Variants in TENM4 observed in about 807,000 individuals in gnomAD.
TENM4 encodes teneurin transmembrane protein 4.
TENM4 carries 82 observed loss-of-function variants against 243.3 expected under a neutral mutation model. The observed-to-expected ratio is 0.34, with a 90% CI of 0.28 to 0.40. The LOEUF (loss-of-function observed/expected upper bound fraction) is 0.40, where lower values mean the gene tolerates loss of function less well. Ranked by LOEUF, TENM4 falls within the 10% of genes least tolerant of loss-of-function variation. The probability of loss-of-function intolerance (pLI) is 1.00; values close to 1 mark genes in which losing one functional copy is unlikely to be tolerated. For synonymous variants in TENM4, 1,412 were observed against 1,456.3 expected (o/e 0.97, Z 0.69); for missense variants, 3,138 against 3,673.3 (o/e 0.85, Z 3.77).
At chr11:79,253,234 A>G (rs556657489) in intron 2 of TENM4, among the ~76,000 whole-genome samples, 7 of 152,316 alleles carry the variant, frequency 4.6e-5, no homozygotes, top group South Asian at 2.1e-4. Context: ...GGCCAAAAAC[A>G]TAAACTGCAC....
intron 6 of TENM4, among the ~76,000 whole-genome samples, chr11:78,986,006 G>A (rs551834696): frequency 2.7e-4 from 41 of 152,280 alleles, no homozygotes; most frequent in Admixed American, 7.2e-4. Context: ...TCCCTCCAAG[G>A]TGTATCAAGA....
intron 3 of TENM4, among the ~76,000 whole-genome samples, chr11:79,160,210 A>T (rs571171379): frequency 4.0e-4 from 61 of 152,130 alleles, no homozygotes; most frequent in South Asian, 1.2e-3. Flanking sequence ...CCATTTTAAC[A>T]TCCTGCTTGT....
chr11:78,769,304 C>T (rs1856602774), intron 18 of TENM4, among the ~76,000 whole-genome samples: 1 of 152,194 alleles, frequency 6.6e-6, no homozygotes, highest in Admixed American at 6.5e-5. Flanking sequence ...TAGTGCCCTT[C>T]CCTGCTTTGT....
intron 19 of TENM4, among the ~76,000 whole-genome samples, chr11:78,741,893 T>C (rs75241992): frequency 0.016 from 2,448 of 152,318 alleles, 79 homozygotes; most frequent in African/African-American, 0.057. Flanking sequence ...CTAGCTCATA[T>C]GATCCTCTAT....
chr11:79,013,902 C>T (rs1480925514), intron 6 of TENM4, among the ~76,000 whole-genome samples: 2 of 152,210 alleles, frequency 1.3e-5, no homozygotes, highest in Non-Finnish European at 2.9e-5. Context: ...TTTCTAACCA[C>T]TCTTTAAAAT....
chr11:78,908,376 T>C (rs181425967), intron 6 of TENM4, among the ~76,000 whole-genome samples: 3 of 152,332 alleles, frequency 2.0e-5, no homozygotes, highest in African/African-American at 7.2e-5. Context: ...GCTTGGAATA[T>C]AGGAATTCTG....
At chr11:79,146,701 G>C (rs1271289978) in intron 4 of TENM4, among the ~76,000 whole-genome samples, 1 of 152,048 alleles carries the variant, frequency 6.6e-6, no homozygotes, top group Non-Finnish European at 1.5e-5. Flanking sequence ...CATATCCTAA[G>C]CACTTTCTTG....
intron 10 of TENM4, among the ~76,000 whole-genome samples, chr11:78,862,555 A>C (rs1858849485): frequency 6.6e-6 from 1 of 152,148 alleles, no homozygotes; most frequent in African/African-American, 2.4e-5. Context: ...CAAGAGTCCA[A>C]GAATCTTTCC....
chr11:78,857,456 G>C (rs1858707369), intron 10 of TENM4, among the ~76,000 whole-genome samples: 1 of 152,178 alleles, frequency 6.6e-6, no homozygotes, highest in African/African-American at 2.4e-5. Context: ...GCAGGGCATT[G>C]TTGTAGTCAT....
At chr11:78,747,229 T>C (rs976613751) in intron 19 of TENM4, among the ~76,000 whole-genome samples, 2 of 152,160 alleles carry the variant, frequency 1.3e-5, no homozygotes, top group African/African-American at 4.8e-5. Flanking sequence ...TAGGTTATCA[T>C]GCCCAGGTAC....
rs531709295 is a variant in TENM4 at position 79,228,698 on chromosome 11, T to G, written c.-264-12789A>C. Among the ~76,000 whole-genome samples, 24 of 152,312 alleles carry G rather than the reference T, an allele frequency of 1.6e-4. No homozygotes were observed. The South Asian group carries it at 4.8e-3, about 30-fold the overall frequency. On this transcript the variant is annotated intron_variant, in intron 2 of 33. Transcript: ENST00000278550. ...TTACATATGTTCCCCCACTTCATTTTTTTCTAATTTTAAAAAAGTCTCCTG... is the reference window on the plus strand; with the variant it reads ...TTACATATGTTCCCCCACTTCATTTGTTTCTAATTTTAAAAAAGTCTCCTG...
chr11:79,239,032 C>CAAAG (rs1412627714), intron 2 of TENM4, among the ~76,000 whole-genome samples: 1 of 151,934 alleles, frequency 6.6e-6, no homozygotes, highest in Non-Finnish European at 1.5e-5. Context: ...CTCAAACAAA[C>CAAAG]AAACAAACAA....
Position 78,805,277 on chromosome 11 carries a change from T to TCCCCACCCAACACACCCCCC in TENM4, c.2179+14_2179+15insGGGGGGTGTGTTGGGTGGGG. ...CCCCTCCCTCTACCCATGCTTCTTC[T>TCCCCACCCAACACACCCCCC]CCCCCTGCATTTACCGATAGAACAG... is the stretch of plus-strand genomic sequence containing the variant. On this transcript the variant is annotated intron_variant, in intron 15 of 33. Transcript: ENST00000278550. 7.1e-7 allele frequency: 1 copy of TCCCCACCCAACACACCCCCC among 1,402,546 alleles called. No individual in the cohort carries two copies. The highest frequency in any genetic ancestry group is 9.7e-7 in the Non-Finnish European group (1 of 1,033,112). 86.9% of individuals were successfully genotyped at this position (1,402,546 alleles called of 1,614,324 possible).
At chr11:79,356,309 C>T (rs1341694704) in intron 1 of TENM4, among the ~76,000 whole-genome samples, 2 of 152,198 alleles carry the variant, frequency 1.3e-5, no homozygotes, top group Admixed American at 6.5e-5. Context: ...ACCTTCTCCT[C>T]CCTCAAGTTC....
chr11:78,811,546 G>A (rs1428953510), intron 14 of TENM4, among the ~76,000 whole-genome samples: 2 of 150,618 alleles, frequency 1.3e-5, no homozygotes, highest in African/African-American at 2.5e-5. Flanking sequence ...CATGCTCATG[G>A]GCACTGCAGA....
At chr11:79,313,995 G>T (rs959961916) in intron 1 of TENM4, among the ~76,000 whole-genome samples, 19 of 152,054 alleles carry the variant, frequency 1.2e-4, no homozygotes, top group Non-Finnish European at 4.4e-5. Flanking sequence ...TTCTAAACCC[G>T]TCATTCATCT....
chr11:79,196,406 G>A (rs1399946948), intron 3 of TENM4, among the ~76,000 whole-genome samples: 1 of 151,920 alleles, frequency 6.6e-6, no homozygotes, highest in Admixed American at 6.6e-5. Context: ...GGGAAAACAG[G>A]TCTGAAAGCT....
chr11:79,437,335 C>T (rs922990342), intron 1 of TENM4, among the ~76,000 whole-genome samples: 2 of 152,228 alleles, frequency 1.3e-5, no homozygotes, highest in African/African-American at 4.8e-5. Context: ...ACGAGAAGGG[C>T]TCCCCCGCTG....
chr11:78,852,432 C>T (rs890176171), intron 12 of TENM4, among the ~76,000 whole-genome samples: 1 of 152,140 alleles, frequency 6.6e-6, no homozygotes, highest in African/African-American at 2.4e-5. Context: ...TGCCTGTAAC[C>T]TCAGCATTTG....
Sources: allele counts gnomAD v4.1 joint callset (sites outside exome capture counted in the v4.1 genomes callset), GRCh38; gene constraint gnomAD v4.1.1; transcripts MANE v1.5; gene names NCBI Gene and HGNC (gene_info 2026-07-23, HGNC 2026-07-21).